Variants in PCDHA4 observed in about 807,000 individuals in gnomAD.
The protein encoded by PCDHA4 is protocadherin alpha-4.
Under a neutral mutation model 61.4 loss-of-function variants are expected in PCDHA4, and 49 were observed. The observed-to-expected ratio is 0.80, with a 90% CI of 0.63 to 1.01. The LOEUF (loss-of-function observed/expected upper bound fraction) is 1.01, where lower values mean the gene tolerates loss of function less well. Among genes scored for constraint, PCDHA4 ranks in the 50% least tolerant of loss-of-function variants. The pLI, the probability that PCDHA4 is intolerant of heterozygous loss-of-function variation, is 0.00. For missense variants in PCDHA4, 1,254 were observed against 1,235.8 expected (o/e 1.01, Z -0.22); for synonymous variants, 590 against 550.3 (o/e 1.07, Z -1.01).
In PCDHA4 at chr5:140,850,079, G is replaced by A. The variant is rs2150466050; in HGVS notation, c.2385+40507G>A. On this transcript the variant is annotated intron_variant, in intron 1 of 3. Coordinates refer to ENST00000530339, the MANE Select transcript of PCDHA4 (RefSeq NM_018907.4). ...TGCAGCCGTTGGACCACGAGGAGCTGGAGCTGCTACAGTTCCAGGTGAGCG... is the reference window on the plus strand; with the variant it reads ...TGCAGCCGTTGGACCACGAGGAGCTAGAGCTGCTACAGTTCCAGGTGAGCG... The A allele has an allele frequency of 1.6e-3, 2,619 of 1,596,602 alleles. 178 individuals are homozygous for A. In the African/African-American group the frequency reaches 0.028, roughly 17 times the overall value.
intron 3 of PCDHA4, among the ~76,000 whole-genome samples, chr5:141,000,387 CTCTCTCTCTATATATATATA>C (rs1348939997): frequency 1.5e-5 from 1 of 66,898 alleles, no homozygotes; most frequent in Non-Finnish European, 2.8e-5. Context: ...CTCTCTCTCT[CTCTCTCTCTATATATATATA>C]TATATATATA....
rs369919324 is a variant in PCDHA4 at position 140,857,387 on chromosome 5, G to T, written c.2385+47815G>T. 3.0e-5 allele frequency: 48 copies of T among 1,598,472 alleles called. 4 individuals carry two copies. The highest frequency in any genetic ancestry group is 3.3e-5 in the Non-Finnish European group (38 of 1,167,956). ...CAGCGTGTCTGTGGAGGTGGCCGAC[G>T]TGAACGACAACGCGCCTGCGTTCGC... is the stretch of plus-strand genomic sequence containing the variant. On this transcript the variant is annotated intron_variant, in intron 1 of 3. Transcript: ENST00000530339.
chr5:140,925,208 T>C (rs1201764361), intron 1 of PCDHA4, among the ~76,000 whole-genome samples: 2 of 152,190 alleles, frequency 1.3e-5, no homozygotes, highest in African/African-American at 4.8e-5. Context: ...TAATTATCGA[T>C]ACTTTTAGGC....
chr5:140,848,352 TC>T, intron 1 of PCDHA4: 1 of 1,003,034 alleles, frequency 1.0e-6, no homozygotes, highest in Non-Finnish European at 1.5e-6. Context: ...ACAGCCCTTT[TC>T]CCATGGGAAA....
intron 1 of PCDHA4, among the ~76,000 whole-genome samples, chr5:140,941,202 C>CCTTTCTTCCTTCCTTTCTTT (rs1394736170): frequency 8.1e-5 from 10 of 122,740 alleles, no homozygotes; most frequent in African/African-American, 2.1e-4. Context: ...TTTCTTTCTT[C>CCTTTCTTCCTTCCTTTCTTT]CTTTCTTTCT....
intron 1 of PCDHA4, among the ~76,000 whole-genome samples, chr5:140,893,394 T>TAA (rs2063972728): frequency 6.6e-6 from 1 of 152,198 alleles, no homozygotes; most frequent in South Asian, 2.1e-4. Flanking sequence ...GGCTCATGCC[T>TAA]GTAATCCCAG....
At chr5:140,892,595 A>G (rs1424989273) in intron 1 of PCDHA4, among the ~76,000 whole-genome samples, 1 of 151,958 alleles carries the variant, frequency 6.6e-6, no homozygotes, top group African/African-American at 2.4e-5. Flanking sequence ...TCATTCACCT[A>G]TTTTTTTCCT....
intron 3 of PCDHA4, among the ~76,000 whole-genome samples, chr5:141,000,804 G>A (rs2097964510): frequency 6.6e-6 from 1 of 151,886 alleles, no homozygotes; most frequent in African/African-American, 2.4e-5. Flanking sequence ...CTACTCAGAA[G>A]GCTGAGGTGG....
At chr5:140,841,346 C>G (rs1777168943) in intron 1 of PCDHA4, 1 of 1,612,554 alleles carries the variant, frequency 6.2e-7, no homozygotes, top group Non-Finnish European at 8.5e-7. Context: ...GCGAGGAGAG[C>G]TGGGATCCTG....
intron 1 of PCDHA4, chr5:140,821,648 A>G (rs1581773155): frequency 9.2e-7 from 1 of 1,086,806 alleles, no homozygotes; most frequent in Non-Finnish European, 1.3e-6. Context: ...AGAACCTTCC[A>G]TTTTTGGCTG....
intron 1 of PCDHA4, chr5:140,862,649 C>A: frequency 3.7e-6 from 2 of 543,104 alleles, no homozygotes; most frequent in South Asian, 1.4e-5. Context: ...ACAGTGTCCG[C>A]GCGGGACCGG....
At chr5:141,005,718 A>T (rs1554260304) in intron 3 of PCDHA4, among the ~76,000 whole-genome samples, 1 of 149,548 alleles carries the variant, frequency 6.7e-6, no homozygotes, top group Non-Finnish European at 1.5e-5. Context: ...AAAAAAAAAA[A>T]AAAAAAAAAA....
At chr5:140,856,473 C>T (rs1471191080) in intron 1 of PCDHA4, 2 of 1,598,372 alleles carry the variant, frequency 1.3e-6, no homozygotes. Flanking sequence ...CTCTCAATAC[C>T]TGAATCCAGA....
chr5:140,896,782 T>C (rs2065751809), intron 1 of PCDHA4, among the ~76,000 whole-genome samples: 1 of 152,206 alleles, frequency 6.6e-6, no homozygotes, highest in African/African-American at 2.4e-5. Context: ...AGTTTGCTGA[T>C]ATTTTCTCCC....
At chr5:140,922,166 G>A (rs1304025068) in intron 1 of PCDHA4, among the ~76,000 whole-genome samples, 1 of 143,464 alleles carries the variant, frequency 7.0e-6, no homozygotes, top group East Asian at 2.2e-4. Flanking sequence ...ACAACAAAAA[G>A]TACAGCAGAC....
At chr5:140,898,003 G>A (rs2066458535) in intron 1 of PCDHA4, among the ~76,000 whole-genome samples, 1 of 152,152 alleles carries the variant, frequency 6.6e-6, no homozygotes, top group Non-Finnish European at 1.5e-5. Context: ...AGAAGTGTCT[G>A]TTCATATCCT....
intron 1 of PCDHA4, chr5:140,821,416 A>G (rs1766971363): frequency 5.5e-6 from 1 of 180,776 alleles, no homozygotes; most frequent in African/African-American, 2.4e-5. Flanking sequence ...ATAGAGTTTA[A>G]TGATATATTT....
intron 1 of PCDHA4, chr5:140,857,754 C>T: frequency 6.3e-7 from 1 of 1,597,392 alleles, no homozygotes; most frequent in Non-Finnish European, 8.6e-7. Flanking sequence ...GCGTCTCCCG[C>T]TGGCAGCGCG....
chr5:140,930,203 T>C (rs1486886896), intron 1 of PCDHA4: 6 of 152,202 alleles, frequency 3.9e-5, no homozygotes, highest in African/African-American at 1.4e-4. Flanking sequence ...ATGTCAGAAA[T>C]ATTTATGTGT....
Sources: gnomAD v4.1 joint callset for allele counts (sites outside exome capture counted in the v4.1 genomes callset) on GRCh38, gnomAD v4.1.1 for gene constraint, MANE v1.5 for transcripts, NCBI Gene and HGNC (gene_info 2026-07-23, HGNC 2026-07-21) for gene names.